Variants in SOX5 observed in about 807,000 individuals in gnomAD.
SOX5 encodes SRY-box transcription factor 5.
A neutral mutation model predicts 92.0 loss-of-function variants in SOX5; 9 were observed. The ratio of observed to expected loss-of-function variants is 0.10; its 90% confidence interval spans 0.06 to 0.17. The LOEUF is 0.17. SOX5 is among the 10% of genes least tolerant of loss of function. The pLI, the probability that SOX5 is intolerant of heterozygous loss-of-function variation, is 1.00. For missense variants in SOX5, 642 were observed against 944.5 expected (o/e 0.68, Z 4.20); for synonymous variants, 344 against 336.3 (o/e 1.02, Z -0.25).
chr12:23,758,449 G>A (rs1329257489), intron 3 of SOX5, among the ~76,000 whole-genome samples: 2 of 150,210 alleles, frequency 1.3e-5, no homozygotes, highest in East Asian at 2.0e-4. Flanking sequence ...GATAATAATA[G>A]CTACTATTTA....
chr12:23,995,166 GACA>G (rs1950919324), intron 4 of SOX5, among the ~76,000 whole-genome samples: 1 of 152,122 alleles, frequency 6.6e-6, no homozygotes, highest in Non-Finnish European at 1.5e-5. Context: ...TGGCAAATTT[GACA>G]ACAATTAGTG....
intron 4 of SOX5, among the ~76,000 whole-genome samples, chr12:24,112,859 T>G (rs1947535658): frequency 6.6e-6 from 1 of 152,008 alleles, no homozygotes; most frequent in Admixed American, 6.6e-5. Flanking sequence ...TGTTTCCTAA[T>G]CATTGCTTTT....
chr12:24,230,239 G>T (rs1963082961), intron 3 of SOX5, among the ~76,000 whole-genome samples: 1 of 152,098 alleles, frequency 6.6e-6, no homozygotes, highest in Non-Finnish European at 1.5e-5. Flanking sequence ...AAGATGAAAT[G>T]CAGCGCAAAC....
chr12:23,615,054 G>A (rs768375187), intron 8 of SOX5, among the ~76,000 whole-genome samples: 44 of 151,562 alleles, frequency 2.9e-4, no homozygotes, highest in Non-Finnish European at 4.1e-4. Context: ...CACCTGCTTC[G>A]GCCTCCCAAA....
At chr12:24,453,770 G>A (rs1288244868) in intron 1 of SOX5, among the ~76,000 whole-genome samples, 1 of 152,182 alleles carries the variant, frequency 6.6e-6, no homozygotes, top group Non-Finnish European at 1.5e-5. Flanking sequence ...AGCAAGCTTA[G>A]ATGACAAAAC....
intron 6 of SOX5, among the ~76,000 whole-genome samples, chr12:23,666,446 G>A (rs188965142): frequency 1.3e-5 from 2 of 152,230 alleles, no homozygotes; most frequent in African/African-American, 4.8e-5. Flanking sequence ...AACCTAATGT[G>A]GCCATTTCTG....
At chr12:24,317,817 A>T (rs963569270) in intron 2 of SOX5, among the ~76,000 whole-genome samples, 10 of 152,136 alleles carry the variant, frequency 6.6e-5, no homozygotes, top group African/African-American at 2.2e-4. Context: ...AACACTCTCA[A>T]TGCTTTACTC....
At chr12:24,494,288 A>G (rs1408236418) in intron 1 of SOX5, among the ~76,000 whole-genome samples, 1 of 152,218 alleles carries the variant, frequency 6.6e-6, no homozygotes, top group Non-Finnish European at 1.5e-5. Context: ...CAAGATAACT[A>G]TGGGACCTGA....
chr12:24,043,713 T>C (rs1164116170), intron 4 of SOX5, among the ~76,000 whole-genome samples: 1 of 152,200 alleles, frequency 6.6e-6, no homozygotes, highest in Non-Finnish European at 1.5e-5. Flanking sequence ...GTTTTCTTTT[T>C]TGTGGATATT....
intron 1 of SOX5, among the ~76,000 whole-genome samples, chr12:23,918,926 A>C (rs966616618): frequency 1.4e-5 from 2 of 139,990 alleles, no homozygotes; most frequent in Non-Finnish European, 3.0e-5. Context: ...CAAAAAAAAG[A>C]AAAAAAAAGA....
upstream of SOX5, chr12:23,949,755 T>TCC: frequency 1.3e-5 from 9 of 709,748 alleles, no homozygotes; most frequent in South Asian, 1.8e-5. Flanking sequence ...TCTCTCTCCC[T>TCC]CTCTCTCTCT....
chr12:23,877,165 T>C (rs2096936763), intron 2 of SOX5, among the ~76,000 whole-genome samples: 1 of 152,178 alleles, frequency 6.6e-6, no homozygotes, highest in African/African-American at 2.4e-5. Context: ...CTTTCTCTAA[T>C]TTTATTTAAG....
intron 4 of SOX5, among the ~76,000 whole-genome samples, chr12:24,013,536 G>A (rs978142891): frequency 6.6e-6 from 1 of 152,140 alleles, no homozygotes; most frequent in Non-Finnish European, 1.5e-5. Context: ...AGAAGCTCTA[G>A]TTTTTAATAA....
chr12:23,687,102 T>C (rs1470349189), intron 6 of SOX5, among the ~76,000 whole-genome samples: 1 of 152,126 alleles, frequency 6.6e-6, no homozygotes, highest in East Asian at 1.9e-4. Context: ...TACAGCACTA[T>C]GCCATCTAAA....
intron 9 of SOX5, chr12:23,582,387 G>C (rs1249395861): frequency 1.9e-6 from 1 of 539,032 alleles, no homozygotes; most frequent in Non-Finnish European, 2.4e-6. Flanking sequence ...ATATTTACGT[G>C]CAAGAGTCAA....
intron 4 of SOX5, among the ~76,000 whole-genome samples, chr12:24,002,296 A>C (rs1323766877): frequency 1.1e-4 from 16 of 152,078 alleles, no homozygotes; most frequent in Non-Finnish European, 4.4e-5. Context: ...AGATCAATAA[A>C]ATTGACAAAC....
intron 1 of SOX5, among the ~76,000 whole-genome samples, chr12:24,520,470 A>G (rs1194617088): frequency 6.6e-6 from 1 of 151,716 alleles, no homozygotes; most frequent in Non-Finnish European, 1.5e-5. Flanking sequence ...ACAAAGAAAA[A>G]AAATCTATAA....
intron 3 of SOX5, among the ~76,000 whole-genome samples, chr12:24,263,074 A>G (rs1942408232): frequency 6.6e-6 from 1 of 151,974 alleles, no homozygotes. Flanking sequence ...AAAAAGGAAA[A>G]AATTAGCCGG....
chr12:23,944,503 AAC>A (rs1209226253), intron 1 of SOX5, among the ~76,000 whole-genome samples: 1 of 152,160 alleles, frequency 6.6e-6, no homozygotes, highest in African/African-American at 2.4e-5. Context: ...TGCAGGAGAA[AAC>A]ACAGAGGTCA....
Sources: gnomAD v4.1 joint callset for allele counts (sites outside exome capture counted in the v4.1 genomes callset) on GRCh38, gnomAD v4.1.1 for gene constraint, MANE v1.5 for transcripts, NCBI Gene and HGNC (gene_info 2026-07-23, HGNC 2026-07-21) for gene names.